Variants in PCDHA1 observed in about 807,000 individuals in gnomAD.
The protein encoded by PCDHA1 is protocadherin alpha 1, also known as protocadherin alpha-1.
A neutral mutation model predicts 61.3 loss-of-function variants in PCDHA1; 42 were observed. That is an observed-to-expected ratio of 0.69 (90% CI 0.54 to 0.89). The LOEUF is 0.89. Among genes scored for constraint, PCDHA1 ranks in the 40% least tolerant of loss-of-function variants. The probability of loss-of-function intolerance (pLI) is 0.00; values close to 1 mark genes in which losing one functional copy is unlikely to be tolerated. For missense variants in PCDHA1, 1,256 were observed against 1,235.3 expected, an observed-to-expected ratio of 1.02 and a Z score of -0.25; for synonymous variants, 610 against 553.8, an observed-to-expected ratio of 1.10 and a Z score of -1.43.
Position 140,787,627 on chromosome 5 carries a change from C to G in PCDHA1, c.1337C>G (p.Ala446Gly). 6.2e-7 allele frequency: 1 copy of G among 1,614,002 alleles called. No individual in the cohort carries two copies. The highest frequency in any genetic ancestry group is 8.5e-7 in the Non-Finnish European group (1 of 1,179,970). Residue 446 changes from alanine (A) to glycine (G), a missense_variant, in exon 1 of 4, where the codon GCC (alanine) becomes GGC (glycine). Physicochemically the swap from Ala to Gly is moderately conservative, Grantham distance 60. Coordinates refer to ENST00000504120, the MANE Select transcript of PCDHA1 (RefSeq NM_018900.4). Reference protein sequence around the residue: ...WATARVSVEVADVNDNAPAFA... With the variant: ...WATARVSVEVGDVNDNAPAFA... ...ACGGCCAGGGTGTCCGTGGAGGTGG[C>G]CGACGTGAATGACAACGCGCCTGCG...
At chr5:140,934,879 T>C (rs1202301097) in intron 1 of PCDHA1, among the ~76,000 whole-genome samples, 1 of 152,206 alleles carries the variant, frequency 6.6e-6, no homozygotes, top group African/African-American at 2.4e-5. Flanking sequence ...TGTTTGTGTA[T>C]CTTGTTTTAA....
At chr5:140,795,626 AG>A in intron 1 of PCDHA1, 1 of 1,614,200 alleles carries the variant, frequency 6.2e-7, no homozygotes, top group Non-Finnish European at 8.5e-7. Flanking sequence ...GGCAAACCTG[AG>A]CTCACGGGCA....
intron 1 of PCDHA1, chr5:140,803,119 A>T: frequency 1.2e-6 from 2 of 1,613,766 alleles, no homozygotes; most frequent in Non-Finnish European, 1.7e-6. Flanking sequence ...GACGAGGTGG[A>T]CGCCCCGCGC....
chr5:140,857,337 G>T, intron 1 of PCDHA1: 1 of 1,598,496 alleles, frequency 6.3e-7, no homozygotes, highest in South Asian at 1.1e-5. Context: ...CGGGACGGGG[G>T]CTCGCCTCCG....
At chr5:140,802,923 G>A (rs782417048) in intron 1 of PCDHA1, 1 of 1,613,782 alleles carries the variant, frequency 6.2e-7, no homozygotes, top group Non-Finnish European at 8.5e-7. Context: ...CATCGGTGGC[G>A]CAGTGAGCGA....
At chr5:140,801,160 C>T (rs1554121291) in intron 1 of PCDHA1, 3 of 1,536,136 alleles carry the variant, frequency 2.0e-6, no homozygotes, top group Non-Finnish European at 2.6e-6. Flanking sequence ...AACTTTGGAT[C>T]AATGTAAAGG....
chr5:140,912,794 C>T (rs1554195532), intron 1 of PCDHA1, among the ~76,000 whole-genome samples: 1 of 151,998 alleles, frequency 6.6e-6, no homozygotes, highest in South Asian at 2.1e-4. Context: ...TGCCAATTTT[C>T]TTGAGGGTTT....
chr5:141,002,918 GAACACCCTCC>G (rs1554258833), intron 3 of PCDHA1, among the ~76,000 whole-genome samples: 1 of 152,192 alleles, frequency 6.6e-6, no homozygotes, highest in Non-Finnish European at 1.5e-5. Flanking sequence ...TCAGAAAAGT[GAACACCCTCC>G]AACACCCTCC....
At chr5:140,825,392 C>A (rs1581821577) in intron 1 of PCDHA1, 1 of 140,308 alleles carries the variant, frequency 7.1e-6, no homozygotes, top group Admixed American at 7.0e-5. Flanking sequence ...TAATATATAT[C>A]TAATATATTA....
intron 1 of PCDHA1, among the ~76,000 whole-genome samples, chr5:140,819,138 A>G (rs1283315927): frequency 6.6e-6 from 1 of 152,218 alleles, no homozygotes; most frequent in Non-Finnish European, 1.5e-5. Context: ...ATAATAGAAT[A>G]AATTAATTTT....
Position 140,845,987 on chromosome 5 carries a change from T to C in PCDHA1, c.2394+57303T>C, listed in dbSNP as rs1259118167. 7.3e-5 allele frequency among the ~76,000 whole-genome samples: 11 copies of C among 149,774 alleles called. 1 individual carries two copies. Among genetic ancestry groups the C allele is most frequent in the Admixed American group, 4.7e-4 (7 of 14,964 alleles). On this transcript the variant is annotated intron_variant, in intron 1 of 3. Coordinates refer to ENST00000504120, the MANE Select transcript of PCDHA1 (RefSeq NM_018900.4). ...TAGGATGTTTCAATATTTTGAATGT[T>C]GTGTGGTGGAATGAAAAAAATCTAA...
chr5:140,990,155 G>A (rs1483856647), intron 3 of PCDHA1, among the ~76,000 whole-genome samples: 2 of 152,076 alleles, frequency 1.3e-5, no homozygotes, highest in Admixed American at 6.5e-5. Context: ...ATAATAGAAA[G>A]TTAGGGTATG....
intron 1 of PCDHA1, among the ~76,000 whole-genome samples, chr5:140,920,816 C>A (rs1170521844): frequency 6.6e-6 from 1 of 150,790 alleles, no homozygotes; most frequent in East Asian, 1.9e-4. Flanking sequence ...TGCACTCCAG[C>A]CTGGCGACGG....
chr5:140,829,679 C>A (rs2150172389), intron 1 of PCDHA1: 1 of 1,613,198 alleles, frequency 6.2e-7, no homozygotes, highest in African/African-American at 1.3e-5. Context: ...GGAGCTAGAG[C>A]TGCTGCAGTT....
intron 1 of PCDHA1, chr5:140,822,621 T>A (rs1767369085): frequency 6.2e-7 from 1 of 1,611,630 alleles, no homozygotes; most frequent in African/African-American, 1.3e-5. Context: ...TCTTTAGTAA[T>A]CTTGTTCTTG....
rs192969362 is a variant in PCDHA1 at position 140,893,205 on chromosome 5, T to C, written c.2395-85744T>C. On this transcript the variant is annotated intron_variant, in intron 1 of 3. Transcript: ENST00000504120. ...CTATTGTGAATAGTGCTGCAGTAAG[T>C]ATGGGAGGTGCAGGTATCACTTTGA... Among the ~76,000 whole-genome samples, 9 of 152,220 alleles carry C rather than the reference T, an allele frequency of 5.9e-5. No homozygotes were observed. The East Asian group carries it at 9.6e-4, about 16-fold the overall frequency.
intron 1 of PCDHA1, chr5:140,862,835 G>T (rs781856164): frequency 3.5e-6 from 2 of 575,630 alleles, no homozygotes; most frequent in African/African-American, 1.9e-5. Flanking sequence ...CGCGACGCGG[G>T]CATGCCGCCT....
chr5:140,908,587 T>G (rs186345728), intron 1 of PCDHA1, among the ~76,000 whole-genome samples: 3 of 152,298 alleles, frequency 2.0e-5, no homozygotes, highest in East Asian at 3.9e-4. Context: ...AGTAGTTAGC[T>G]GCAGAAGATG....
At chr5:140,844,401 C>T (rs1299971759) in intron 1 of PCDHA1, among the ~76,000 whole-genome samples, 1 of 149,242 alleles carries the variant, frequency 6.7e-6, no homozygotes, top group Non-Finnish European at 1.5e-5. Context: ...GACCATTTTA[C>T]CATTTGGAGA....
Sources: allele counts gnomAD v4.1 joint callset (sites outside exome capture counted in the v4.1 genomes callset), GRCh38; gene constraint gnomAD v4.1.1; transcripts MANE v1.5; gene names NCBI Gene and HGNC (gene_info 2026-07-23, HGNC 2026-07-21).